METTL15: variants seen among roughly 807,000 people sequenced by gnomAD.
The protein encoded by METTL15 is methyltransferase 15, mitochondrial 12S rRNA N4-cytidine.
METTL15 carries 34 observed loss-of-function variants against 38.3 expected under a neutral mutation model. That is an observed-to-expected ratio of 0.89 (90% CI 0.68 to 1.18). The LOEUF is 1.18. Among genes scored for constraint, METTL15 ranks in the 50% most tolerant of loss-of-function variants. The pLI is 0.00. For missense variants in METTL15, 438 were observed against 498.4 expected (o/e 0.88, Z 1.15); for synonymous variants, 162 against 170.9 (o/e 0.95, Z 0.41).
intron 6 of METTL15, among the ~76,000 whole-genome samples, chr11:28,525,185 G>A (rs1011127811): frequency 3.3e-5 from 5 of 152,176 alleles, no homozygotes; most frequent in Admixed American, 6.5e-5. Context: ...AAAGAACAAA[G>A]CTTCCACAGT....
At chr11:28,253,719 A>G (rs996999460) in intron 4 of METTL15, among the ~76,000 whole-genome samples, 7 of 150,932 alleles carry the variant, frequency 4.6e-5, no homozygotes, top group Admixed American at 3.3e-4. Flanking sequence ...TTTAGGTTCC[A>G]CAATAAGTGA....
At chr11:28,528,651 A>G (rs1367477607), downstream of METTL15, among the ~76,000 whole-genome samples, 4 of 152,224 alleles carry the variant, frequency 2.6e-5, no homozygotes, top group African/African-American at 9.6e-5. Context: ...ATGAATGTTT[A>G]TTAGTCATTC....
intron 5 of METTL15, among the ~76,000 whole-genome samples, chr11:28,416,154 A>C (rs1850770519): frequency 6.6e-6 from 1 of 152,234 alleles, no homozygotes; most frequent in African/African-American, 2.4e-5. Flanking sequence ...CTCAGCTCCC[A>C]ACCCATGTTC....
At chr11:28,411,417 C>T (rs769213053) in intron 5 of METTL15, among the ~76,000 whole-genome samples, 3 of 151,864 alleles carry the variant, frequency 2.0e-5, no homozygotes, top group Admixed American at 6.6e-5. Context: ...GAATAGAAAG[C>T]CCAGAAATAA....
chr11:28,135,633 G>T (rs918070942), intron 3 of METTL15, among the ~76,000 whole-genome samples: 2 of 152,190 alleles, frequency 1.3e-5, no homozygotes, highest in African/African-American at 2.4e-5. Flanking sequence ...TTCTCCAATT[G>T]TGTCCTGTTG....
chr11:28,192,871 A>G (rs1400036862), intron 3 of METTL15, among the ~76,000 whole-genome samples: 1 of 152,052 alleles, frequency 6.6e-6, no homozygotes, highest in Non-Finnish European at 1.5e-5. Flanking sequence ...TCTCTGAGTA[A>G]ATTTTGATAG....
At chr11:28,136,897 A>T (rs1427975097) in intron 3 of METTL15, among the ~76,000 whole-genome samples, 2 of 151,972 alleles carry the variant, frequency 1.3e-5, no homozygotes, top group Non-Finnish European at 2.9e-5. Context: ...TGCCAAAATG[A>T]TGACTTAAAA....
In METTL15 at chr11:28,217,442, T is replaced by C. The variant is rs1852941565; in HGVS notation, c.407+6244T>C. ...CTTGTAAATTTGTTGGAGTTCATTGTAGATTCTGGATATTAGCCCTTTGTC... is the reference window on the plus strand; with the variant it reads ...CTTGTAAATTTGTTGGAGTTCATTGCAGATTCTGGATATTAGCCCTTTGTC... On this transcript the variant is annotated intron_variant, in intron 4 of 6. Transcript: ENST00000407364. Among the ~76,000 whole-genome samples, 3 of 152,210 alleles carry C rather than the reference T, an allele frequency of 2.0e-5. No individual in the cohort carries two copies. The South Asian group carries it at 6.2e-4, about 32-fold the overall frequency.
chr11:28,268,183 C>T lies in METTL15; in HGVS notation c.408-22023C>T, dbSNP rs1344323209. On this transcript the variant is annotated intron_variant, in intron 4 of 6. Coordinates refer to ENST00000407364, the MANE Select transcript of METTL15 (RefSeq NM_001113528.2). The stretch of plus-strand genomic sequence containing the variant: ...CTGCACTCCAGCCTGGGCGACAGAG[C>T]GAGACTCCGTCTCAAAAAAAAAAAA... Among the ~76,000 whole-genome samples, 450 of 100,482 alleles carry T rather than the reference C, an allele frequency of 4.5e-3. 6 individuals are homozygous for T. The highest frequency in any genetic ancestry group is 0.016 in the African/African-American group (426 of 25,822). 65.9% of individuals were successfully genotyped at this position (100,482 alleles called of 152,430 possible).
At chr11:28,297,022 T>G in intron 6 of METTL15, 91 bp downstream of exon 6, 4 of 1,298,282 alleles carry the variant, frequency 3.1e-6, no homozygotes, top group Non-Finnish European at 4.4e-6. Context: ...TGCACATGTG[T>G]GTGTGCATTA....
intron 6 of METTL15, among the ~76,000 whole-genome samples, chr11:28,452,711 G>T (rs552923223): frequency 6.6e-6 from 1 of 152,282 alleles, no homozygotes; most frequent in South Asian, 2.1e-4. Flanking sequence ...CAGACAGTGA[G>T]GGATAGTTCA....
chr11:28,230,198 TAA>T (rs1853631280), intron 4 of METTL15, among the ~76,000 whole-genome samples: 1 of 151,934 alleles, frequency 6.6e-6, no homozygotes, highest in Non-Finnish European at 1.5e-5. Flanking sequence ...TTATTTTAAA[TAA>T]ACTCTTTTTT....
chr11:28,215,292 C>T (rs1852815405), intron 4 of METTL15, among the ~76,000 whole-genome samples: 1 of 151,996 alleles, frequency 6.6e-6, no homozygotes, highest in African/African-American at 2.4e-5. Context: ...ATATTTTAGG[C>T]TTTGAAGCTG....
chr11:28,407,455 C>G (rs969622012), intron 5 of METTL15, among the ~76,000 whole-genome samples: 2 of 151,958 alleles, frequency 1.3e-5, no homozygotes, highest in African/African-American at 4.8e-5. Context: ...GGAGCTTAAA[C>G]AAATTTGCAA....
At chr11:28,458,382 AT>A (rs1456736639) in intron 6 of METTL15, among the ~76,000 whole-genome samples, 1 of 152,182 alleles carries the variant, frequency 6.6e-6, no homozygotes, top group African/African-American at 2.4e-5. Flanking sequence ...AACCTCTATC[AT>A]AACTCTGTGA....
intron 6 of METTL15, among the ~76,000 whole-genome samples, chr11:28,307,051 CATTTT>C (rs1165331137): frequency 1.3e-5 from 2 of 151,980 alleles, no homozygotes; most frequent in East Asian, 1.9e-4. Flanking sequence ...ATTTCCCAAA[CATTTT>C]AATTTATTGT....
At chr11:28,522,049 A>C (rs1851769319) in intron 6 of METTL15, among the ~76,000 whole-genome samples, 1 of 152,194 alleles carries the variant, frequency 6.6e-6, no homozygotes, top group African/African-American at 2.4e-5. Flanking sequence ...TAGTGAAATG[A>C]ATGCTGTATC....
At chr11:28,150,044 C>T (rs973857635) in intron 3 of METTL15, among the ~76,000 whole-genome samples, 14 of 151,902 alleles carry the variant, frequency 9.2e-5, no homozygotes, top group Non-Finnish European at 1.6e-4. Context: ...TATAGGCCTG[C>T]CATTTCTCAG....
intron 6 of METTL15, among the ~76,000 whole-genome samples, chr11:28,439,110 A>G (rs1312000882): frequency 6.6e-6 from 1 of 151,804 alleles, no homozygotes; most frequent in Non-Finnish European, 1.5e-5. Flanking sequence ...ACCCTTTGCT[A>G]GGGATCTCTG....
Sources: gnomAD v4.1 joint callset for allele counts (sites outside exome capture counted in the v4.1 genomes callset) on GRCh38, gnomAD v4.1.1 for gene constraint, MANE v1.5 for transcripts, NCBI Gene and HGNC (gene_info 2026-07-23, HGNC 2026-07-21) for gene names.